Variants in ADAMTSL1 observed in about 807,000 individuals in gnomAD.
ADAMTSL1 encodes the protein ADAMTS-like protein 1.
In ADAMTSL1, 126 loss-of-function variants were observed where a neutral mutation model predicts 201.8. That is an observed-to-expected ratio of 0.62 (90% confidence interval 0.54 to 0.72). The LOEUF is 0.72. Ranked by LOEUF, ADAMTSL1 falls within the 30% of genes least tolerant of loss-of-function variation. ADAMTSL1 has a pLI of 0.00. For missense variants in ADAMTSL1, 2,679 were observed against 2,277.8 expected (o/e 1.18, Z -3.59); for synonymous variants, 1,121 against 903.4 (o/e 1.24, Z -4.32).
intron 3 of ADAMTSL1, among the ~76,000 whole-genome samples, chr9:18,539,323 C>T (rs1476782374): frequency 6.6e-6 from 1 of 152,144 alleles, no homozygotes; most frequent in African/African-American, 2.4e-5. Flanking sequence ...AAGACAAATA[C>T]ACAAACACAA....
intron 26 of ADAMTSL1, among the ~76,000 whole-genome samples, chr9:18,895,572 A>G (rs1829578908): frequency 6.6e-6 from 1 of 152,212 alleles, no homozygotes; most frequent in Admixed American, 6.5e-5. Flanking sequence ...CTGACGCTCT[A>G]AAGTCCCAAG....
intron 2 of ADAMTSL1, among the ~76,000 whole-genome samples, chr9:18,379,747 G>GA (rs1298583169): frequency 6.6e-6 from 1 of 151,936 alleles, no homozygotes; most frequent in Non-Finnish European, 1.5e-5. Context: ...TGAGATGAAA[G>GA]AAAAAACATA....
In ADAMTSL1 at chr9:18,887,993, C is replaced by G; in HGVS notation, c.4412C>G (p.Ala1471Gly). 1.9e-6 allele frequency: 3 copies of G among 1,613,940 alleles called. No individual in the cohort carries two copies. Among genetic ancestry groups the G allele is most frequent in the Non-Finnish European group, 2.5e-6 (3 of 1,179,884 alleles). ...TCTCAAGGGGAATTCAGCTGCCTTG[C>G]TCAGAATGAGGCAGGGGTGCTCATG... is the stretch of plus-strand genomic sequence containing the variant. ...GGSQGEFSCL[A>G]QNEAGVLMQK... The change falls in exon 24 of 29, where the codon GCT becomes GGT. Residue 1471 changes from alanine (A) to glycine (G), a missense_variant. Transcript: ENST00000380548.
At chr9:18,703,701 C>CAT (rs72258520) in intron 13 of ADAMTSL1, among the ~76,000 whole-genome samples, 2,163 of 78,724 alleles carry the variant, frequency 0.027, 97 homozygotes, top group African/African-American at 0.068. Context: ...TGCGCACATA[C>CAT]ATATATATAT....
At chr9:17,929,963 G>A (rs1826711467) in intron 1 of ADAMTSL1, among the ~76,000 whole-genome samples, 1 of 152,038 alleles carries the variant, frequency 6.6e-6, no homozygotes. Flanking sequence ...GCCTGGCATT[G>A]TTGAAAAAAG....
chr9:18,128,487 C>G (rs1587116228), intron 1 of ADAMTSL1, among the ~76,000 whole-genome samples: 1 of 152,054 alleles, frequency 6.6e-6, no homozygotes, highest in Non-Finnish European at 1.5e-5. Context: ...CTCAGTCTAC[C>G]GAGTAGCTGG....
chr9:18,908,385 G>A (rs935950227), intron 28 of ADAMTSL1, 57 bp from the exon 29 acceptor site: 2 of 1,435,012 alleles, frequency 1.4e-6, no homozygotes, highest in Non-Finnish European at 9.6e-7. Flanking sequence ...GCGTTCATTA[G>A]TCTCTGTTTC....
At chr9:18,901,612 T>C (rs1273460881) in intron 26 of ADAMTSL1, among the ~76,000 whole-genome samples, 1 of 152,192 alleles carries the variant, frequency 6.6e-6, no homozygotes, top group Admixed American at 6.5e-5. Flanking sequence ...GTTATAACTT[T>C]GGGATATTAT....
intron 8 of ADAMTSL1, among the ~76,000 whole-genome samples, chr9:18,659,955 A>G (rs141845801): frequency 6.6e-6 from 1 of 152,250 alleles, no homozygotes; most frequent in African/African-American, 2.4e-5. Flanking sequence ...TGTGAGAAAT[A>G]GCACTTCAGT....
chr9:18,087,077 G>C (rs1194835913), intron 1 of ADAMTSL1, among the ~76,000 whole-genome samples: 3 of 152,048 alleles, frequency 2.0e-5, no homozygotes, highest in Admixed American at 1.3e-4. Flanking sequence ...TTTAATTCTT[G>C]CTTTGCTTAA....
In ADAMTSL1 at chr9:18,776,955, T is replaced by TGA; in HGVS notation, c.2726_2727insGA (p.Ile909MetfsTer50). On this transcript the variant is annotated frameshift_variant, in exon 19 of 29. Transcript: ENST00000380548. LOFTEE classifies it high-confidence loss of function. The stretch of plus-strand genomic sequence containing the variant: ...GCGCGCAGGGTCCGCAAGCCCCTCA[T>TGA]CACCTGGGAGAAGGACGGCCAGCAC... The TGA allele has an allele frequency of 6.3e-7, 1 of 1,599,162 alleles. No homozygotes were observed. The highest frequency in any genetic ancestry group is 1.3e-5 in the African/African-American group (1 of 74,636).
chr9:18,031,843 C>T (rs1238254800), intron 1 of ADAMTSL1, among the ~76,000 whole-genome samples: 1 of 152,162 alleles, frequency 6.6e-6, no homozygotes, highest in Admixed American at 6.5e-5. Flanking sequence ...TTGGCAGGGT[C>T]AGAGTGGGCT....
intron 2 of ADAMTSL1, among the ~76,000 whole-genome samples, chr9:18,235,907 C>G (rs1830830367): frequency 6.6e-6 from 1 of 152,126 alleles, no homozygotes; most frequent in African/African-American, 2.4e-5. Context: ...TTTCCTTTTA[C>G]CATTGATTGT....
intron 1 of ADAMTSL1, among the ~76,000 whole-genome samples, chr9:18,016,320 T>C (rs1820260054): frequency 1.3e-5 from 2 of 152,048 alleles, no homozygotes; most frequent in African/African-American, 4.8e-5. Flanking sequence ...GTCATTGTCG[T>C]GAACTCTTGG....
intron 2 of ADAMTSL1, among the ~76,000 whole-genome samples, chr9:18,266,104 C>A (rs2132553852): frequency 6.6e-6 from 1 of 152,276 alleles, no homozygotes; most frequent in African/African-American, 2.4e-5. Flanking sequence ...CATTATTAGG[C>A]ACTGATATCC....
At chr9:18,724,459 G>A (rs2133442741) in intron 15 of ADAMTSL1, among the ~76,000 whole-genome samples, 2 of 152,322 alleles carry the variant, frequency 1.3e-5, no homozygotes, top group Admixed American at 1.3e-4. Context: ...CTCATACCTG[G>A]TTATTCACAA....
chr9:18,720,438 A>C (rs1237223075), intron 14 of ADAMTSL1, among the ~76,000 whole-genome samples: 1 of 152,218 alleles, frequency 6.6e-6, no homozygotes, highest in Non-Finnish European at 1.5e-5. Context: ...TACTGTTATT[A>C]TGACTGGGCA....
At chr9:18,702,662 C>A (rs1440694618) in intron 13 of ADAMTSL1, among the ~76,000 whole-genome samples, 1 of 152,116 alleles carries the variant, frequency 6.6e-6, no homozygotes. Context: ...AGACTAAATA[C>A]AGAATTCATA....
rs575345583 is a variant in ADAMTSL1, at chr9:18,223,000, G to A, written c.207+59019G>A. Among the ~76,000 whole-genome samples, 3 of 151,912 alleles carry A rather than the reference G, an allele frequency of 2.0e-5. No individual in the cohort carries two copies. In the South Asian group the frequency reaches 6.2e-4, roughly 32 times the overall value. ...CAAGTCTTCTCTTTGTCATTACTTTGCAGTTTTACTGTGAAGTATCTAGGT... is the reference window on the plus strand; with the variant it reads ...CAAGTCTTCTCTTTGTCATTACTTTACAGTTTTACTGTGAAGTATCTAGGT... On this transcript the variant is annotated intron_variant, in intron 2 of 29. Transcript: ENST00000680146.
Sources: allele counts gnomAD v4.1 joint callset (sites outside exome capture counted in the v4.1 genomes callset), GRCh38; gene constraint gnomAD v4.1.1; transcripts MANE v1.5; gene names NCBI Gene and HGNC (gene_info 2026-07-23, HGNC 2026-07-21).